The following POC5 variants were observed in gnomAD, a reference collection of about 807,000 sequenced individuals.
POC5 encodes the protein centrosomal protein POC5.
POC5 carries 48 observed loss-of-function variants against 62.9 expected under a neutral mutation model. The observed-to-expected ratio is 0.76, with a 90% CI of 0.61 to 0.97. POC5 has a LOEUF of 0.97. POC5 is among the 50% of genes least tolerant of loss of function. POC5 has a pLI of 0.00. For synonymous variants in POC5, 236 were observed against 228.2 expected (o/e 1.03, Z -0.31); for missense variants, 696 against 679.5 (o/e 1.02, Z -0.27).
chr5:75,686,405 T>C (rs577248940), intron 9 of POC5, among the ~76,000 whole-genome samples: 35 of 152,316 alleles, frequency 2.3e-4, no homozygotes, highest in African/African-American at 8.2e-4. Context: ...CTCCAGAAAT[T>C]TGGGCCTCTG....
intron 6 of POC5, among the ~76,000 whole-genome samples, chr5:75,693,832 A>G (rs1221887757): frequency 6.6e-6 from 1 of 152,206 alleles, no homozygotes; most frequent in Admixed American, 6.5e-5. Flanking sequence ...CCGGGCACAG[A>G]TTTGTTGCCC....
intron 8 of POC5, chr5:75,689,498 T>A (rs2112114057): frequency 1.0e-6 from 1 of 983,422 alleles, no homozygotes; most frequent in East Asian, 1.1e-4. Flanking sequence ...ACAAAATACA[T>A]TAAGAGCCAC....
At chr5:75,695,544 A>G (rs1191607623) in intron 5 of POC5, among the ~76,000 whole-genome samples, 2 of 152,182 alleles carry the variant, frequency 1.3e-5, no homozygotes, top group African/African-American at 2.4e-5. Context: ...GAAAAATATA[A>G]ATGCCACAGA....
intron 3 of POC5, among the ~76,000 whole-genome samples, chr5:75,706,219 C>T (rs141196934): frequency 1.0e-3 from 154 of 152,298 alleles, no homozygotes; most frequent in African/African-American, 3.5e-3. Context: ...CTGTAGTCAA[C>T]AGATGGCAAA....
intron 3 of POC5, among the ~76,000 whole-genome samples, chr5:75,706,935 T>C (rs944786909): frequency 1.3e-5 from 2 of 152,158 alleles, no homozygotes; most frequent in Non-Finnish European, 2.9e-5. Context: ...AATCCACGTC[T>C]ACAGAGAATG....
intron 10 of POC5, among the ~76,000 whole-genome samples, chr5:75,678,318 C>T (rs79339167): frequency 0.043 from 6,510 of 152,090 alleles, 177 homozygotes; most frequent in Non-Finnish European, 0.063. Context: ...AAAGTCAAAA[C>T]CAGGAAGCTC....
At position 75,702,806 on chromosome 5, in the gene POC5, T is replaced by C. The variant is rs1480168681; in HGVS notation, c.312A>G (p.Ser104=). The C allele has an allele frequency of 4.5e-6, 7 of 1,564,342 alleles. No homozygotes were observed. In the African/African-American group the frequency reaches 8.1e-5, roughly 18 times the overall value. The change falls in exon 5 of 12, where the codon TCA becomes TCG. Residue 104 remains serine (S), a synonymous_variant. Coordinates refer to ENST00000428202, the MANE Select transcript of POC5 (RefSeq NM_001099271.2). ...HISSHSKTDE[S]SPVLSPRKPS... The stretch of plus-strand genomic sequence containing the variant: ...GCTTCCTTGGCGATAACACTGGTGA[T>C]GACTCTGAATAAAAGAAAAGTTGTA...
chr5:75,699,793 C>T (rs368551230), intron 5 of POC5, among the ~76,000 whole-genome samples: 24,572 of 131,966 alleles, frequency 0.19, 2,619 homozygotes, highest in South Asian at 0.24. Context: ...TGTTTGCAGA[C>T]GACATGATTG....
chr5:75,691,044 C>T (rs1332800239), intron 7 of POC5, among the ~76,000 whole-genome samples: 1 of 152,108 alleles, frequency 6.6e-6, no homozygotes, highest in Admixed American at 6.5e-5. Flanking sequence ...ATATATGGTG[C>T]CAATCCAAAT....
At chr5:75,712,376 C>G in intron 2 of POC5, 1 of 1,602,052 alleles carries the variant, frequency 6.2e-7, no homozygotes, top group Non-Finnish European at 8.6e-7. Flanking sequence ...GTTAACTGAC[C>G]CACTTCATTT....
intron 10 of POC5, among the ~76,000 whole-genome samples, chr5:75,680,527 G>A (rs1350259271): frequency 2.6e-5 from 4 of 152,104 alleles, no homozygotes; most frequent in Admixed American, 6.6e-5. Flanking sequence ...TAAATGGCTC[G>A]CATGTTTACT....
At chr5:75,682,453 T>C (rs928231854) in intron 10 of POC5, among the ~76,000 whole-genome samples, 12 of 151,900 alleles carry the variant, frequency 7.9e-5, no homozygotes, top group African/African-American at 2.9e-4. Flanking sequence ...TCAAAATGTG[T>C]AATCATGGAA....
At chr5:75,710,225 A>G (rs774838442) in intron 2 of POC5, among the ~76,000 whole-genome samples, 3 of 152,182 alleles carry the variant, frequency 2.0e-5, no homozygotes, top group Admixed American at 1.3e-4. Context: ...TAAGGAACCC[A>G]CTTAAACCAC....
At chr5:75,716,466 C>T (rs1254289542) in intron 1 of POC5, among the ~76,000 whole-genome samples, 1 of 150,588 alleles carries the variant, frequency 6.6e-6, no homozygotes, top group African/African-American at 2.4e-5. Flanking sequence ...TATGGACACA[C>T]TGCAGACACA....
intron 4 of POC5, among the ~76,000 whole-genome samples, chr5:75,703,337 T>C (rs1776971913): frequency 6.6e-6 from 1 of 152,156 alleles, no homozygotes. Flanking sequence ...TTTAATACTA[T>C]TAAAATTCGG....
intron 4 of POC5, among the ~76,000 whole-genome samples, chr5:75,703,125 A>C (rs1360128492): frequency 6.6e-6 from 1 of 152,214 alleles, no homozygotes; most frequent in Non-Finnish European, 1.5e-5. Flanking sequence ...TCATATCACC[A>C]TTAATGAAGT....
chr5:75,686,003 AATC>A (rs1039052297), intron 9 of POC5, among the ~76,000 whole-genome samples: 5 of 152,210 alleles, frequency 3.3e-5, no homozygotes, highest in African/African-American at 1.2e-4. Flanking sequence ...AACAAAAATA[AATC>A]AATAAAACTA....
At chr5:75,694,141 A>G (rs1346237953) in intron 6 of POC5, among the ~76,000 whole-genome samples, 1 of 152,088 alleles carries the variant, frequency 6.6e-6, no homozygotes, top group Non-Finnish European at 1.5e-5. Context: ...ATGAATAGCC[A>G]CTGCTCTCCA....
At chr5:75,677,621 T>TAAAA (rs58777768) in intron 11 of POC5, 153 bp downstream of exon 11, 46 of 390,744 alleles carry the variant, frequency 1.2e-4, no homozygotes, top group Non-Finnish European at 1.4e-4. Flanking sequence ...GTATATATAT[T>TAAAA]AAAAAAAAAA....
Sources: allele counts gnomAD v4.1 joint callset (sites outside exome capture counted in the v4.1 genomes callset), GRCh38; gene constraint gnomAD v4.1.1; transcripts MANE v1.5; gene names NCBI Gene and HGNC (gene_info 2026-07-23, HGNC 2026-07-21).